Variants in PCDH15 observed in about 807,000 individuals in gnomAD.
PCDH15 encodes protocadherin-15.
Under a neutral mutation model 178.5 loss-of-function variants are expected in PCDH15, and 129 were observed. The ratio of observed to expected loss-of-function variants is 0.72; its 90% CI spans 0.63 to 0.84. The LOEUF is 0.84. PCDH15 is among the 40% of genes least tolerant of loss of function. The pLI is 0.00. For synonymous variants in PCDH15, 800 were observed against 732.0 expected (o/e 1.09, Z -1.50); for missense variants, 2,230 against 2,099.9 (o/e 1.06, Z -1.21).
At chr10:54,062,239 A>C (rs1002149951) in intron 18 of PCDH15, among the ~76,000 whole-genome samples, 9 of 99,778 alleles carry the variant, frequency 9.0e-5, no homozygotes, top group Non-Finnish European at 2.3e-4. Context: ...AAAAAAAAAA[A>C]AAAAAAAAAA....
At chr10:55,176,725 C>G (rs912001033) in intron 1 of PCDH15, among the ~76,000 whole-genome samples, 7 of 152,098 alleles carry the variant, frequency 4.6e-5, no homozygotes, top group Non-Finnish European at 2.9e-5. Flanking sequence ...CTATATCCTG[C>G]TAACTCAAGT....
At chr10:54,195,352 A>C (rs535650849) in intron 11 of PCDH15, among the ~76,000 whole-genome samples, 1 of 152,296 alleles carries the variant, frequency 6.6e-6, no homozygotes, top group Admixed American at 6.5e-5. Context: ...ATGTAGTAAC[A>C]CCATTATTTT....
At chr10:55,425,598 T>C (rs1199043817) in intron 2 of PCDH15, among the ~76,000 whole-genome samples, 1 of 152,104 alleles carries the variant, frequency 6.6e-6, no homozygotes, top group East Asian at 1.9e-4. Flanking sequence ...AAAATATCTT[T>C]ATCTCAGTTT....
chr10:54,559,399 G>A (rs2087752266), intron 2 of PCDH15, among the ~76,000 whole-genome samples: 1 of 151,958 alleles, frequency 6.6e-6, no homozygotes. Flanking sequence ...AACATCCTCT[G>A]TATAAATGAA....
At chr10:53,875,739 T>C (rs147488229) in intron 26 of PCDH15, among the ~76,000 whole-genome samples, 1 of 152,332 alleles carries the variant, frequency 6.6e-6, no homozygotes, top group Non-Finnish European at 1.5e-5. Flanking sequence ...TACCCATTTC[T>C]AAGACCTCAT....
At chr10:53,814,552 T>A in intron 35 of PCDH15, among the ~76,000 whole-genome samples, 1 of 152,110 alleles carries the variant, frequency 6.6e-6, no homozygotes, top group Non-Finnish European at 1.5e-5. Flanking sequence ...AGTCACTCTG[T>A]ATTTCTGAGT....
intron 26 of PCDH15, among the ~76,000 whole-genome samples, chr10:53,890,222 TC>T (rs2081459164): frequency 6.6e-6 from 1 of 152,174 alleles, no homozygotes; most frequent in African/African-American, 2.4e-5. Context: ...GGTCAGGAGA[TC>T]GAGACCATCC....
At chr10:54,911,063 G>A (rs1954806643) in intron 2 of PCDH15, among the ~76,000 whole-genome samples, 1 of 152,212 alleles carries the variant, frequency 6.6e-6, no homozygotes, top group Non-Finnish European at 1.5e-5. Context: ...TCATAATCTG[G>A]AAAGGATGAA....
intron 11 of PCDH15, among the ~76,000 whole-genome samples, chr10:54,195,315 T>C (rs2049496830): frequency 6.6e-6 from 1 of 152,192 alleles, no homozygotes; most frequent in Non-Finnish European, 1.5e-5. Flanking sequence ...AATCACAATC[T>C]AGGGGTGCTT....
chr10:54,505,000 C>T lies in PCDH15; in HGVS notation c.157+22812G>A, dbSNP rs942696405. Among the ~76,000 whole-genome samples, 27 of 152,142 alleles carry T rather than the reference C, an allele frequency of 1.8e-4. 1 individual carries two copies. Among genetic ancestry groups the T allele is most frequent in the Admixed American group, 2.6e-4 (4 of 15,260 alleles). ...CACTTGGAAATTTAAAAAATGCCAG[C>T]TGGTCGGTTCTGAGATCACAGAAAT... On this transcript the variant is annotated intron_variant, in intron 3 of 37. Transcript: ENST00000644397.
chr10:53,922,508 C>A (rs370281920), intron 25 of PCDH15, among the ~76,000 whole-genome samples: 14 of 152,254 alleles, frequency 9.2e-5, no homozygotes, highest in African/African-American at 3.1e-4. Flanking sequence ...ATACCAAAAT[C>A]ATGGATCTTA....
intron 1 of PCDH15, among the ~76,000 whole-genome samples, chr10:55,289,622 T>C: frequency 6.6e-6 from 1 of 152,094 alleles, no homozygotes; most frequent in Non-Finnish European, 1.5e-5. Flanking sequence ...AATTTGTGCA[T>C]TTTATATAGG....
intron 15 of PCDH15, among the ~76,000 whole-genome samples, chr10:54,090,861 C>T (rs988450196): frequency 3.9e-5 from 6 of 152,002 alleles, no homozygotes; most frequent in East Asian, 1.9e-4. Context: ...ATTTCTAAAA[C>T]GAGGACTATA....
At chr10:55,601,037 C>T (rs1402571079) in intron 2 of PCDH15, among the ~76,000 whole-genome samples, 3 of 151,982 alleles carry the variant, frequency 2.0e-5, no homozygotes, top group African/African-American at 7.2e-5. Flanking sequence ...TTTCCATGCC[C>T]TCCTGTTTCT....
At chr10:54,087,882 A>G (rs897791859) in intron 16 of PCDH15, among the ~76,000 whole-genome samples, 2 of 152,122 alleles carry the variant, frequency 1.3e-5, no homozygotes, top group Non-Finnish European at 2.9e-5. Context: ...CTCTTGATAG[A>G]GTTCAGGAGA....
intron 28 of PCDH15, among the ~76,000 whole-genome samples, chr10:53,846,896 T>A (rs2078012709): frequency 6.6e-6 from 1 of 152,046 alleles, no homozygotes; most frequent in South Asian, 2.1e-4. Context: ...TACCATGTGA[T>A]GAGAATTTCT....
chr10:54,192,172 A>AAG (rs1430080954), intron 11 of PCDH15, among the ~76,000 whole-genome samples: 88 of 127,208 alleles, frequency 6.9e-4, no homozygotes, highest in African/African-American at 2.8e-3. Flanking sequence ...GAAAGAAAGA[A>AAG]AAAGAAAGAG....
chr10:54,729,722 C>A (rs538163761), intron 1 of PCDH15, among the ~76,000 whole-genome samples: 2 of 151,504 alleles, frequency 1.3e-5, no homozygotes, highest in Non-Finnish European at 3.0e-5. Context: ...AAACAAACAA[C>A]CCCATTAGAA....
chr10:54,139,817 C>G (rs111763358), intron 14 of PCDH15, among the ~76,000 whole-genome samples: 1 of 151,060 alleles, frequency 6.6e-6, no homozygotes, highest in Admixed American at 6.6e-5. Flanking sequence ...GTTATAGATA[C>G]GAAAATATAT....
Sources: gnomAD v4.1 joint callset for allele counts (sites outside exome capture counted in the v4.1 genomes callset) on GRCh38, gnomAD v4.1.1 for gene constraint, MANE v1.5 for transcripts, NCBI Gene and HGNC (gene_info 2026-07-23, HGNC 2026-07-21) for gene names.